The following MYO3B variants were observed in gnomAD, a reference collection of about 807,000 sequenced individuals.
The protein encoded by MYO3B is myosin IIIB, also known as myosin-IIIb.
MYO3B carries 156 observed loss-of-function variants against 174.6 expected under a neutral mutation model. The observed-to-expected ratio is 0.89, with a 90% CI of 0.78 to 1.02. MYO3B has a LOEUF of 1.02. MYO3B is among the 50% of genes least tolerant of loss of function. The pLI is 0.00. For synonymous variants in MYO3B, 563 were observed against 569.1 expected (o/e 0.99, Z 0.15); for missense variants, 1,632 against 1,639.4 (o/e 1.00, Z 0.08).
At position 170,636,957 on chromosome 2, in the gene MYO3B, CGTGTGT is replaced by C. The variant is rs3047156; in HGVS notation, c.3734-14644_3734-14639del. 4.8e-3 allele frequency among the ~76,000 whole-genome samples: 701 copies of C among 146,668 alleles called. 2 individuals carry two copies. The highest frequency in any genetic ancestry group is 8.4e-3 in the African/African-American group (333 of 39,704). ...CATGGACAAAGCATTTGCTTTTGTG[CGTGTGT>C]GTGTGTGTGTGTGTGTGTGTGTGTG... On this transcript the variant is annotated intron_variant, in intron 32 of 34. Coordinates refer to ENST00000408978, the MANE Select transcript of MYO3B (RefSeq NM_138995.5).
Position 170,560,076 on chromosome 2 carries a change from A to T in MYO3B, c.3733+16088A>T, listed in dbSNP as rs772765121. ...ATAAAGTTTAGCTGCTGCTACTGCT[A>T]TTTCTTACTCTTCCATTGCGAATCA... On this transcript the variant is annotated intron_variant, in intron 32 of 34. Coordinates refer to ENST00000408978, the MANE Select transcript of MYO3B (RefSeq NM_138995.5). 3.3e-5 allele frequency among the ~76,000 whole-genome samples: 5 copies of T among 152,306 alleles called. No homozygotes were observed. The East Asian group carries it at 7.7e-4, about 23-fold the overall frequency.
At chr2:170,338,281 G>A (rs1421629451) in intron 8 of MYO3B, 1 of 152,186 alleles carries the variant, frequency 6.6e-6, no homozygotes, top group Non-Finnish European at 1.5e-5. Context: ...AGTTTATAAT[G>A]AGTCAGGAAG....
intron 34 of MYO3B, among the ~76,000 whole-genome samples, chr2:170,652,734 C>T (rs78037881): frequency 3.9e-5 from 6 of 152,158 alleles, no homozygotes; most frequent in Non-Finnish European, 7.4e-5. Context: ...AGTTGCAATA[C>T]GACCACAACT....
At chr2:170,228,483 C>T (rs907274403) in intron 6 of MYO3B, among the ~76,000 whole-genome samples, 4 of 152,106 alleles carry the variant, frequency 2.6e-5, no homozygotes, top group Non-Finnish European at 5.9e-5. Context: ...AGGACACATA[C>T]GAAATTTGGA....
chr2:170,244,421 T>C (rs1401711783), intron 7 of MYO3B, among the ~76,000 whole-genome samples: 3 of 151,826 alleles, frequency 2.0e-5, no homozygotes, highest in Non-Finnish European at 4.4e-5. Flanking sequence ...GGTCAGGGGA[T>C]TGTAAGGAGA....
At chr2:170,477,231 C>A (rs1263524528) in intron 25 of MYO3B, among the ~76,000 whole-genome samples, 2 of 152,168 alleles carry the variant, frequency 1.3e-5, no homozygotes, top group African/African-American at 4.8e-5. Context: ...GATGGAAAGC[C>A]TCTTCCTCTG....
intron 25 of MYO3B, among the ~76,000 whole-genome samples, chr2:170,479,242 C>G (rs1449229674): frequency 6.7e-6 from 1 of 150,014 alleles, no homozygotes; most frequent in African/African-American, 2.4e-5. Flanking sequence ...CAAGATCATG[C>G]CACTGCACTC....
chr2:170,589,837 G>C (rs910445508), intron 32 of MYO3B, among the ~76,000 whole-genome samples: 1 of 152,184 alleles, frequency 6.6e-6, no homozygotes, highest in African/African-American at 2.4e-5. Context: ...TTCACTCACT[G>C]ACGCACCCAG....
At chr2:170,370,491 A>C (rs1314996669) in intron 9 of MYO3B, among the ~76,000 whole-genome samples, 2 of 152,000 alleles carry the variant, frequency 1.3e-5, no homozygotes, top group South Asian at 2.1e-4. Context: ...AGAGTAGAGA[A>C]ATGCAGAGAA....
At chr2:170,526,784 T>G (rs6739796) in intron 30 of MYO3B, among the ~76,000 whole-genome samples, 1,951 of 152,336 alleles carry the variant, frequency 0.013, 38 homozygotes, top group African/African-American at 0.044. Context: ...GAGTTATATT[T>G]TTCCTTGGGG....
At chr2:170,194,387 C>T (rs2092575146) in intron 1 of MYO3B, among the ~76,000 whole-genome samples, 1 of 151,826 alleles carries the variant, frequency 6.6e-6, no homozygotes, top group South Asian at 2.1e-4. Flanking sequence ...CACCTGTGGT[C>T]CCATCTACTC....
At chr2:170,374,015 G>C (rs575322876) in intron 9 of MYO3B, among the ~76,000 whole-genome samples, 1 of 152,304 alleles carries the variant, frequency 6.6e-6, no homozygotes, top group African/African-American at 2.4e-5. Context: ...TCCTATTGTA[G>C]TGAAGTTAAT....
chr2:170,195,140 T>G (rs749118386), intron 1 of MYO3B, among the ~76,000 whole-genome samples: 1 of 151,964 alleles, frequency 6.6e-6, no homozygotes, highest in Non-Finnish European at 1.5e-5. Flanking sequence ...TCCAGTGATA[T>G]GGGCAGGAGA....
intron 32 of MYO3B, among the ~76,000 whole-genome samples, chr2:170,569,196 C>T (rs1471997719): frequency 1.3e-5 from 2 of 152,172 alleles, no homozygotes; most frequent in Non-Finnish European, 2.9e-5. Flanking sequence ...AAGAGAGTGC[C>T]TACTTTGTTT....
At chr2:170,623,861 T>C (rs1470296939) in intron 32 of MYO3B, among the ~76,000 whole-genome samples, 1 of 152,218 alleles carries the variant, frequency 6.6e-6, no homozygotes, top group African/African-American at 2.4e-5. Flanking sequence ...TTTTGTCAGG[T>C]TTGTCAAAGA....
chr2:170,627,537 T>G (rs1337521736), intron 32 of MYO3B, among the ~76,000 whole-genome samples: 5 of 152,230 alleles, frequency 3.3e-5, no homozygotes. Flanking sequence ...ATCTGAAGCC[T>G]TCTTCTCTCA....
chr2:170,258,107 T>C (rs906873518), intron 7 of MYO3B, among the ~76,000 whole-genome samples: 3 of 152,066 alleles, frequency 2.0e-5, no homozygotes, highest in African/African-American at 7.2e-5. Flanking sequence ...TAAAAAGCTA[T>C]GGACTAGATG....
chr2:170,463,353 C>T lies in MYO3B; in HGVS notation c.2731-15C>T. ...CCTAGATCCTCAAACCACTTGCCTC[C>T]ACCTATGCTTCCAGGTGGACACTCT... On this transcript the variant is annotated splice_polypyrimidine_tract_variant and intron_variant, in intron 23 of 34. Coordinates refer to ENST00000408978, the MANE Select transcript of MYO3B (RefSeq NM_138995.5). 1.2e-6 allele frequency: 2 copies of T among 1,612,592 alleles called. No homozygotes were observed. Among genetic ancestry groups the T allele is most frequent in the Non-Finnish European group, 1.7e-6 (2 of 1,179,570 alleles).
intron 14 of MYO3B, among the ~76,000 whole-genome samples, chr2:170,387,841 A>T (rs1175873267): frequency 6.6e-6 from 1 of 152,074 alleles, no homozygotes; most frequent in East Asian, 1.9e-4. Flanking sequence ...GTGGAATGGA[A>T]ATGCTACTAG....
Sources: allele counts gnomAD v4.1 joint callset (sites outside exome capture counted in the v4.1 genomes callset), GRCh38; gene constraint gnomAD v4.1.1; transcripts MANE v1.5; gene names NCBI Gene and HGNC (gene_info 2026-07-23, HGNC 2026-07-21).